Variants in FOXO3 observed in about 807,000 individuals in gnomAD.
The protein encoded by FOXO3 is forkhead box protein O3.
Under a neutral mutation model 41.9 loss-of-function variants are expected in FOXO3, and 4 were observed. The observed-to-expected ratio is 0.10, with a 90% CI of 0.05 to 0.22. The LOEUF (loss-of-function observed/expected upper bound fraction) is 0.22, where lower values mean the gene tolerates loss of function less well. Ranked by LOEUF, FOXO3 falls within the 10% of genes least tolerant of loss-of-function variation. FOXO3 has a pLI of 1.00. For synonymous variants in FOXO3, 318 were observed against 389.3 expected (o/e 0.82, Z 2.16); for missense variants, 534 against 906.8 (o/e 0.59, Z 5.28).
intron 1 of FOXO3, among the ~76,000 whole-genome samples, chr6:108,612,144 T>A (rs567151334): frequency 6.6e-6 from 1 of 152,358 alleles, no homozygotes; most frequent in East Asian, 1.9e-4. Flanking sequence ...GCAGTGTTTA[T>A]ATGTTTTAAA....
chr6:108,650,208 T>C (rs1053356189), intron 1 of FOXO3, among the ~76,000 whole-genome samples: 2 of 152,166 alleles, frequency 1.3e-5, no homozygotes, highest in Non-Finnish European at 2.9e-5. Context: ...TTAGAGTCAC[T>C]GACTGCTAAT....
chr6:108,651,902 T>C (rs1778556845), intron 1 of FOXO3, among the ~76,000 whole-genome samples: 1 of 152,208 alleles, frequency 6.6e-6, no homozygotes, highest in Non-Finnish European at 1.5e-5. Flanking sequence ...AAGATTCACA[T>C]AGTTTTAGAG....
chr6:108,651,925 T>C (rs1778557452), intron 1 of FOXO3, among the ~76,000 whole-genome samples: 1 of 152,228 alleles, frequency 6.6e-6, no homozygotes, highest in Non-Finnish European at 1.5e-5. Flanking sequence ...AGCTCATCTT[T>C]TCTGGCTCAA....
Position 108,626,033 on chromosome 6 carries a change from G to A in FOXO3, c.622-37422G>A, listed in dbSNP as rs181984821. 3.3e-5 allele frequency among the ~76,000 whole-genome samples: 5 copies of A among 152,260 alleles called. 1 individual carries two copies. In the East Asian group the frequency reaches 7.7e-4, roughly 24 times the overall value. ...TTCCTAGGTAGAGGTGAGGGTGAGCGGGGGAGCTTCATGCAGAGGAAATAG... is the reference window on the plus strand; with the variant it reads ...TTCCTAGGTAGAGGTGAGGGTGAGCAGGGGAGCTTCATGCAGAGGAAATAG... On this transcript the variant is annotated intron_variant, in intron 1 of 2. Transcript: ENST00000406360.
At chr6:108,594,162 C>T (rs1355886550) in intron 1 of FOXO3, among the ~76,000 whole-genome samples, 6 of 152,130 alleles carry the variant, frequency 3.9e-5, no homozygotes, top group African/African-American at 1.4e-4. Flanking sequence ...TTTTCCCTCC[C>T]CCAAAAGTTG....
chr6:108,637,964 G>C (rs1778162460), intron 1 of FOXO3, among the ~76,000 whole-genome samples: 1 of 152,066 alleles, frequency 6.6e-6, no homozygotes, highest in African/African-American at 2.4e-5. Context: ...AAAGAAAATT[G>C]TGTTTCCAAA....
At chr6:108,657,256 G>A (rs1256218637) in intron 1 of FOXO3, among the ~76,000 whole-genome samples, 1 of 152,124 alleles carries the variant, frequency 6.6e-6, no homozygotes, top group Non-Finnish European at 1.5e-5. Flanking sequence ...CCCACGTTGG[G>A]GACAAGCTGG....
intron 1 of FOXO3, among the ~76,000 whole-genome samples, chr6:108,612,640 A>T (rs1446915718): frequency 6.6e-6 from 1 of 152,042 alleles, no homozygotes; most frequent in African/African-American, 2.4e-5. Context: ...AGATTGTGCC[A>T]TTGCACTCCA....
At chr6:108,604,391 T>C (rs1241365798) in intron 1 of FOXO3, among the ~76,000 whole-genome samples, 1 of 152,230 alleles carries the variant, frequency 6.6e-6, no homozygotes. Context: ...ATTATACCTT[T>C]GGATGATTGT....
intron 1 of FOXO3, among the ~76,000 whole-genome samples, chr6:108,641,135 C>T (rs1034030827): frequency 6.6e-6 from 1 of 152,104 alleles, no homozygotes; most frequent in Admixed American, 6.5e-5. Flanking sequence ...GTCTCAAACT[C>T]CTGACCTCAA....
rs957448440 is a variant in FOXO3, at chr6:108,639,539, G to A, written c.622-23916G>A. On this transcript the variant is annotated intron_variant, in intron 1 of 2. Transcript: ENST00000406360. ...AACCCTGCTCAAGCCTGGGTACAGT[G>A]ACCCAAGGTGACAGCAATGACAGTG... 3.0e-6 allele frequency: 3 copies of A among 985,158 alleles called. No individual in the cohort carries two copies. In the African/African-American group the frequency reaches 5.2e-5, roughly 17 times the overall value. 61.0% of individuals were successfully genotyped at this position (985,158 alleles called of 1,614,324 possible).
Position 108,663,734 on chromosome 6 carries a change from G to A in FOXO3, c.901G>A (p.Asp301Asn), listed in dbSNP as rs1778947071. Residue 301 changes from aspartate (D) to asparagine (N), a missense_variant, in exon 2 of 3, where the codon GAT (aspartate) becomes AAT (asparagine). By Grantham distance (23) the Asp-to-Asn change is conservative. Coordinates refer to ENST00000406360, the MANE Select transcript of FOXO3 (RefSeq NM_001455.4). ...WPGSPTSRSS[D>N]ELDAWTDFRS... ...TGGCAGCCCCACGTCACGCAGCAGT[G>A]ATGAGCTGGATGCGTGGACGGACTT... 2 of 1,613,654 alleles carry A rather than the reference G, an allele frequency of 1.2e-6. No individual in the cohort carries two copies. Among genetic ancestry groups the A allele is most frequent in the Non-Finnish European group, 1.7e-6 (2 of 1,179,764 alleles).
chr6:108,592,367 A>G (rs781400376), intron 1 of FOXO3, among the ~76,000 whole-genome samples: 4 of 152,216 alleles, frequency 2.6e-5, no homozygotes, highest in Non-Finnish European at 5.9e-5. Flanking sequence ...TTAAGGCCAA[A>G]TAGTCCATTT....
chr6:108,678,984 GCCTC>G (rs1770737849), intron 2 of FOXO3, among the ~76,000 whole-genome samples: 1 of 139,464 alleles, frequency 7.2e-6, no homozygotes, highest in Admixed American at 8.1e-5. Context: ...CCATTCTCCT[GCCTC>G]AGCCTCCCGA....
intron 1 of FOXO3, among the ~76,000 whole-genome samples, chr6:108,577,997 A>T (rs897907574): frequency 2.0e-5 from 3 of 152,184 alleles, no homozygotes; most frequent in Non-Finnish European, 2.9e-5. Flanking sequence ...GGAATTTTTA[A>T]GAAGAGATGG....
intron 1 of FOXO3, among the ~76,000 whole-genome samples, chr6:108,606,488 C>G (rs1461084628): frequency 6.6e-6 from 1 of 152,196 alleles, no homozygotes; most frequent in Non-Finnish European, 1.5e-5. Context: ...AACAGAAAGT[C>G]AGAAGGAGAA....
At chr6:108,568,237 G>A (rs1047248692) in intron 1 of FOXO3, among the ~76,000 whole-genome samples, 2 of 148,510 alleles carry the variant, frequency 1.3e-5, no homozygotes, top group African/African-American at 5.0e-5. Context: ...TTTTTAAAGC[G>A]TGTGTTCATA....
chr6:108,599,421 C>T (rs1206403504), intron 1 of FOXO3, among the ~76,000 whole-genome samples: 2 of 152,144 alleles, frequency 1.3e-5, no homozygotes, highest in Non-Finnish European at 2.9e-5. Flanking sequence ...GAACGGTGCT[C>T]AACATTGTAT....
chr6:108,560,136 G>C (rs557084932), upstream of FOXO3: 1 of 152,416 alleles, frequency 6.6e-6, no homozygotes, highest in South Asian at 2.1e-4. Context: ...CCCCCTTCTC[G>C]CCCGCTAGTG....
Sources: allele counts gnomAD v4.1 joint callset (sites outside exome capture counted in the v4.1 genomes callset), GRCh38; gene constraint gnomAD v4.1.1; transcripts MANE v1.5; gene names NCBI Gene and HGNC (gene_info 2026-07-23, HGNC 2026-07-21).